DENND1B: variants seen among roughly 807,000 people sequenced by gnomAD.
The protein encoded by DENND1B is DENN domain containing 1B.
In DENND1B, 59 loss-of-function variants were observed where a neutral mutation model predicts 90.1. The ratio of observed to expected loss-of-function variants is 0.65; its 90% CI spans 0.53 to 0.81. The LOEUF (loss-of-function observed/expected upper bound fraction) is 0.81, where lower values mean the gene tolerates loss of function less well. Ranked by LOEUF, DENND1B falls within the 40% of genes least tolerant of loss-of-function variation. The pLI, the probability that DENND1B is intolerant of heterozygous loss-of-function variation, is 0.00. For synonymous variants in DENND1B, 337 were observed against 324.6 expected (o/e 1.04, Z -0.41); for missense variants, 862 against 912.6 (o/e 0.94, Z 0.71).
intron 3 of DENND1B, among the ~76,000 whole-genome samples, chr1:197,713,806 A>T (rs373319169): frequency 1.2e-4 from 8 of 67,828 alleles, no homozygotes; most frequent in East Asian, 4.4e-4. Flanking sequence ...TTATATTATA[A>T]TATATTATAT....
At chr1:197,580,941 G>A (rs1674182015) in intron 15 of DENND1B, among the ~76,000 whole-genome samples, 1 of 152,054 alleles carries the variant, frequency 6.6e-6, no homozygotes, top group Non-Finnish European at 1.5e-5. Flanking sequence ...ATCCTACCCT[G>A]CCATATTATC....
chr1:197,580,434 A>T (rs947775166), intron 15 of DENND1B, among the ~76,000 whole-genome samples: 11 of 151,442 alleles, frequency 7.3e-5, no homozygotes, highest in Non-Finnish European at 1.3e-4. Flanking sequence ...TGGCCCTTTT[A>T]ATAATTTTTA....
intron 20 of DENND1B, among the ~76,000 whole-genome samples, chr1:197,518,469 T>C (rs1449484987): frequency 1.3e-5 from 2 of 151,898 alleles, no homozygotes; most frequent in African/African-American, 4.8e-5. Context: ...AAGGCCTTTT[T>C]CTAGAAAACC....
intron 5 of DENND1B, among the ~76,000 whole-genome samples, chr1:197,664,401 A>G (rs1331130749): frequency 6.6e-6 from 1 of 152,106 alleles, no homozygotes; most frequent in African/African-American, 2.4e-5. Flanking sequence ...ATTATGAGCA[A>G]TTATTTTAAA....
intron 1 of DENND1B, chr1:197,774,721 A>C (rs1657048403): frequency 6.4e-6 from 1 of 156,770 alleles, no homozygotes; most frequent in South Asian, 2.1e-4. Flanking sequence ...TCGGAATAAT[A>C]ACCTCTTAAC....
At position 197,753,308 on chromosome 1, in the gene DENND1B, C is replaced by T. The variant is rs114813245; in HGVS notation, c.82+19560G>A. On this transcript the variant is annotated intron_variant, in intron 2 of 22. Transcript: ENST00000620048. ...AATCGAAATATAAAGTAAAGCAAGACAGGCAAAAATGCTTTCAAAAATTAA... is the reference window on the plus strand; with the variant it reads ...AATCGAAATATAAAGTAAAGCAAGATAGGCAAAAATGCTTTCAAAAATTAA... 9.2e-3 allele frequency among the ~76,000 whole-genome samples: 1,400 copies of T among 151,906 alleles called. 31 individuals are homozygous for T. Among genetic ancestry groups the T allele is most frequent in the African/African-American group, 0.031 (1,281 of 41,324 alleles).
At chr1:197,669,835 A>G (rs796112069) in intron 5 of DENND1B, among the ~76,000 whole-genome samples, 88 of 152,138 alleles carry the variant, frequency 5.8e-4, no homozygotes, top group African/African-American at 1.9e-3. Flanking sequence ...AAAATATTCA[A>G]TAATACTGTG....
chr1:197,552,909 A>G (rs1671360883), intron 16 of DENND1B, 113 bp downstream of exon 16: 13 of 1,518,464 alleles, frequency 8.6e-6, no homozygotes, highest in Non-Finnish European at 1.1e-5. Context: ...GACATTACAT[A>G]TTTAGGAGGA....
At chr1:197,647,388 A>T (rs1039526276) in intron 7 of DENND1B, among the ~76,000 whole-genome samples, 1 of 142,720 alleles carries the variant, frequency 7.0e-6, no homozygotes, top group African/African-American at 3.1e-5. Flanking sequence ...CTCATTAGAC[A>T]TTAACTTTTT....
rs1677216862 is a variant in DENND1B at position 197,611,936 on chromosome 1, T to G, written c.814A>C (p.Ile272Leu). The G allele has an allele frequency of 6.2e-7, 1 of 1,603,850 alleles. No individual in the cohort carries two copies. Among genetic ancestry groups the G allele is most frequent in the Non-Finnish European group, 8.5e-7 (1 of 1,173,140 alleles). Residue 272 changes from isoleucine to leucine, a missense_variant, in exon 12 of 23, where the codon ATA (isoleucine) becomes CTA (leucine). Ile to Leu is a conservative substitution (Grantham distance 5). Coordinates refer to ENST00000620048, the MANE Select transcript of DENND1B (RefSeq NM_001195215.2). ...PYLIGIHSSLIERVKNKSLED... is the reference protein window; with the variant it reads ...PYLIGIHSSLLERVKNKSLED... ...CATGTCTGAAAGATACTCACCTCTATGAGGCTGGAGTGTATTCCAATCAGG... is the reference window on the plus strand; with the variant it reads ...CATGTCTGAAAGATACTCACCTCTAGGAGGCTGGAGTGTATTCCAATCAGG...
intron 2 of DENND1B, chr1:197,747,380 T>C: frequency 1.4e-5 from 7 of 489,802 alleles, no homozygotes; most frequent in Non-Finnish European, 2.3e-5. Flanking sequence ...AGTTCTGCAA[T>C]GTAGCTTCAT....
intron 14 of DENND1B, among the ~76,000 whole-genome samples, chr1:197,586,603 T>C (rs1394803590): frequency 2.0e-5 from 3 of 152,176 alleles, no homozygotes; most frequent in Non-Finnish European, 2.9e-5. Context: ...ACTGAAAATA[T>C]AGAAAGAAAA....
intron 20 of DENND1B, among the ~76,000 whole-genome samples, chr1:197,526,430 G>T (rs1479626820): frequency 6.6e-6 from 1 of 151,848 alleles, no homozygotes; most frequent in Admixed American, 6.6e-5. Context: ...AAACAAAAAA[G>T]GCAACAGGGA....
intron 2 of DENND1B, chr1:197,734,895 G>A: frequency 1.0e-6 from 1 of 985,172 alleles, no homozygotes; most frequent in Non-Finnish European, 1.2e-6. Flanking sequence ...TGTCTGGCAT[G>A]GAGGAGTATG....
intron 6 of DENND1B, among the ~76,000 whole-genome samples, chr1:197,657,096 C>T (rs553178345): frequency 1.3e-5 from 2 of 152,094 alleles, no homozygotes; most frequent in African/African-American, 2.4e-5. Flanking sequence ...AACTTTTGTG[C>T]ATCAAACAAT....
intron 20 of DENND1B, among the ~76,000 whole-genome samples, chr1:197,534,748 C>A (rs1669754936): frequency 6.6e-6 from 1 of 152,140 alleles, no homozygotes; most frequent in Non-Finnish European, 1.5e-5. Flanking sequence ...ACATTAGTTT[C>A]TCTGACATAC....
intron 10 of DENND1B, among the ~76,000 whole-genome samples, chr1:197,637,672 T>C (rs1398663966): frequency 6.6e-6 from 1 of 152,136 alleles, no homozygotes; most frequent in Admixed American, 6.6e-5. Context: ...TGTGTACCGG[T>C]GAAATGATAA....
intron 3 of DENND1B, among the ~76,000 whole-genome samples, chr1:197,700,086 C>A (rs183077106): frequency 6.6e-6 from 1 of 152,184 alleles, no homozygotes; most frequent in Admixed American, 6.6e-5. Context: ...CCATTAAATT[C>A]TTCATAGAAT....
At chr1:197,513,171 TAA>T (rs4026515) in intron 20 of DENND1B, among the ~76,000 whole-genome samples, 127,374 of 147,030 alleles carry the variant, frequency 0.87, 57,401 homozygotes, top group South Asian at 0.99. Flanking sequence ...CTCAAACCAA[TAA>T]AAAAAAAAAA....
Sources: gnomAD v4.1 joint callset for allele counts (sites outside exome capture counted in the v4.1 genomes callset) on GRCh38, gnomAD v4.1.1 for gene constraint, MANE v1.5 for transcripts, NCBI Gene and HGNC (gene_info 2026-07-23, HGNC 2026-07-21) for gene names.